MIA3: variants seen among roughly 807,000 people sequenced by gnomAD.
MIA3 encodes MIA SH3 domain ER export factor 3, also known as transport and Golgi organization protein 1 homolog.
A neutral mutation model predicts 192.4 loss-of-function variants in MIA3; 90 were observed. The observed-to-expected ratio is 0.47, with a 90% CI of 0.39 to 0.56. The LOEUF (loss-of-function observed/expected upper bound fraction) is 0.56. MIA3 is among the 20% of genes least tolerant of loss of function. The pLI is 0.00. For synonymous variants in MIA3, 740 were observed against 792.8 expected (o/e 0.93, Z 1.12); for missense variants, 2,123 against 2,269.4 (o/e 0.94, Z 1.31).
intron 1 of MIA3, among the ~76,000 whole-genome samples, chr1:222,619,437 T>TATGA: frequency 6.6e-6 from 1 of 152,358 alleles, no homozygotes; most frequent in East Asian, 1.9e-4. Flanking sequence ...AATTTCATAA[T>TATGA]ATGAACTGTT....
Position 222,650,636 on chromosome 1 carries a change from C to A in MIA3, c.3723C>A (p.Ile1241=). Residue 1241 remains isoleucine, a splice_region_variant and synonymous_variant, in exon 10 of 28, where the codon ATC becomes ATA. Transcript: ENST00000344922. ...VQKLSNYEQK[I]KESKKHVQET... ...TCTGAATGCTTTATTTTATATAGAT[C>A]AAGGAATCAAAGAAACATGTTCAGG... The A allele has an allele frequency of 1.3e-6, 2 of 1,569,742 alleles. No individual in the cohort carries two copies. Among genetic ancestry groups the A allele is most frequent in the South Asian group, 1.1e-5 (1 of 87,078 alleles).
chr1:222,658,112 T>C (rs1228693020), intron 18 of MIA3, among the ~76,000 whole-genome samples: 1 of 152,218 alleles, frequency 6.6e-6, no homozygotes, highest in African/African-American at 2.4e-5. Flanking sequence ...CAGGACAGTT[T>C]GGATTCTTTT....
At chr1:222,662,169 GTGGGGAGAGGA>G in intron 25 of MIA3, 45 bp downstream of exon 25, 1 of 1,603,700 alleles carries the variant, frequency 6.2e-7, no homozygotes, top group Non-Finnish European at 8.5e-7. Flanking sequence ...CATGCAGGAA[GTGGGGAGAGGA>G]TTTTTTTTTT....
intron 7 of MIA3, among the ~76,000 whole-genome samples, chr1:222,646,338 C>G (rs1663141676): frequency 2.0e-5 from 3 of 151,048 alleles, no homozygotes; most frequent in Non-Finnish European, 4.4e-5. Flanking sequence ...TCGCTTGAAC[C>G]TGGGAGGCGG....
rs746906486 is a variant in MIA3 at position 222,627,832 on chromosome 1, T to A, written c.612T>A (p.Phe204Leu). The change falls in exon 4 of 28, where the codon TTT becomes TTA. Residue 204 changes from phenylalanine to leucine, a missense_variant. Physicochemically the swap from Phe to Leu is conservative, Grantham distance 22 (BLOSUM62 0). Around this residue, in one of 3 missense-constraint regions of MIA3, gnomAD observed 1,357 missense variants for 1,396.1 expected, o/e 0.97. Transcript: ENST00000344922. ...ACACTGAGGATCTTCAGGAACAGTT[T>A]ACAACTCAGAAGCACCACTCCCATG... ...SENTEDLQEQ[F>L]TTQKHHSHAN... The A allele has an allele frequency of 3.1e-6, 5 of 1,614,054 alleles. No individual in the cohort carries two copies. Among genetic ancestry groups the A allele is most frequent in the Non-Finnish European group, 4.2e-6 (5 of 1,180,022 alleles).
chr1:222,650,920 T>G lies in MIA3; in HGVS notation c.3909+17T>G. On this transcript the variant is annotated intron_variant, in intron 11 of 27. Transcript: ENST00000344922. ...CAGGACTTGGTAAGAGTTTTGCTGC[T>G]AAGTATTACTAATAATTTGGGTTTT... 7.0e-7 allele frequency: 1 copy of G among 1,426,072 alleles called. No homozygotes were observed. Among genetic ancestry groups the G allele is most frequent in the Non-Finnish European group, 9.7e-7 (1 of 1,028,436 alleles). 88.3% of individuals were successfully genotyped at this position (1,426,072 alleles called of 1,614,324 possible).
intron 6 of MIA3, among the ~76,000 whole-genome samples, chr1:222,633,789 G>A (rs76147757): frequency 0.16 from 24,487 of 151,992 alleles, 3,559 homozygotes; most frequent in African/African-American, 0.39. Flanking sequence ...GAGAAATGGA[G>A]GCATGAAGAA....
chr1:222,628,755 AG>A lies in MIA3; in HGVS notation c.1538del (p.Gly513ValfsTer5). The A allele has an allele frequency of 6.2e-7, 1 of 1,614,166 alleles. No homozygotes were observed. Among genetic ancestry groups the A allele is most frequent in the East Asian group, 2.2e-5 (1 of 44,886 alleles). ...NNLNSMPAAE[K>X]GKDTLKSAYD... ...CTCAACTCTATGCCAGCTGCTGAAA[AG>A]GGTAAAGACACATTAAAATCAGCTT... is the stretch of plus-strand genomic sequence containing the variant. On this transcript the variant is annotated frameshift_variant, in exon 4 of 28. Transcript: ENST00000344922. LOFTEE classifies it high-confidence loss of function.
rs192427258 is a variant in MIA3, at chr1:222,619,156, G to A, written c.133+913G>A. Reference sequence around the variant, plus strand: ...GGCTCAGATGAAGAAGGTTATTACAGGAATGACAGTAAATACTCCAAGGGT... The same window carrying A: ...GGCTCAGATGAAGAAGGTTATTACAAGAATGACAGTAAATACTCCAAGGGT... On this transcript the variant is annotated intron_variant, in intron 1 of 27. Transcript: ENST00000344922. Among the ~76,000 whole-genome samples, 6 of 152,304 alleles carry A rather than the reference G, an allele frequency of 3.9e-5. No homozygotes were observed. The East Asian group carries it at 1.2e-3, about 29-fold the overall frequency.
chr1:222,645,546 A>G lies in MIA3; in HGVS notation c.3478-8A>G. On this transcript the variant is annotated splice_polypyrimidine_tract_variant and splice_region_variant and intron_variant, in intron 6 of 27. Transcript: ENST00000344922. ...CTCATTATTTCTAACATTATTTCTA[A>G]CATTCAGCTAGTTGCTACATTGCCT... is the stretch of plus-strand genomic sequence containing the variant. 6.3e-7 allele frequency: 1 copy of G among 1,596,064 alleles called. No homozygotes were observed. Among genetic ancestry groups the G allele is most frequent in the Non-Finnish European group, 8.5e-7 (1 of 1,170,226 alleles).
intron 18 of MIA3, among the ~76,000 whole-genome samples, chr1:222,656,961 A>G (rs1403847391): frequency 1.3e-5 from 2 of 152,154 alleles, no homozygotes; most frequent in African/African-American, 4.8e-5. Context: ...ATTGCTTTAA[A>G]ATCTATGTGG....
At position 222,628,079 on chromosome 1, in the gene MIA3, G is replaced by A. The variant is rs1662201744; in HGVS notation, c.859G>A (p.Val287Ile). 1 of 1,614,100 alleles carries A rather than the reference G, an allele frequency of 6.2e-7. No homozygotes were observed. Among genetic ancestry groups the A allele is most frequent in the Non-Finnish European group, 8.5e-7 (1 of 1,180,024 alleles). The change falls in exon 4 of 28, where the codon GTA becomes ATA. Residue 287 changes from valine to isoleucine, a missense_variant. Around this residue, in one of 3 missense-constraint regions of MIA3, gnomAD observed 1,357 missense variants for 1,396.1 expected, o/e 0.97. Coordinates refer to ENST00000344922, the MANE Select transcript of MIA3 (RefSeq NM_198551.4). ...TKFGSTADAL[V>I]SDDETTRLVT... ...ATTTGGCTCAACAGCTGATGCACTTGTATCTGATGATGAGACAACCAGACT... is the reference window on the plus strand; with the variant it reads ...ATTTGGCTCAACAGCTGATGCACTTATATCTGATGATGAGACAACCAGACT...
rs1269633661 is a variant in MIA3, at chr1:222,630,057, A to T, written c.2837A>T (p.His946Leu). The change falls in exon 4 of 28, where the codon CAT becomes CTT. Residue 946 changes from histidine (H) to leucine (L), a missense_variant. His to Leu is a moderately conservative substitution (Grantham distance 99, BLOSUM62 -3). Coordinates refer to ENST00000344922, the MANE Select transcript of MIA3 (RefSeq NM_198551.4). ...LQRFQKYFNV[H>L]ELEALLQEMS... ...CGGTTCCAGAAGTACTTTAATGTCC[A>T]TGAGCTGGAAGCCTTGCTACAAGAA... 6.2e-7 allele frequency: 1 copy of T among 1,614,110 alleles called. No individual in the cohort carries two copies. The highest frequency in any genetic ancestry group is 1.3e-5 in the African/African-American group (1 of 74,930).
In MIA3 at chr1:222,624,775, G is replaced by T. The variant is rs763708048; in HGVS notation, c.275G>T (p.Arg92Leu). ...GCCCATTCTTTTGTGTAGGTTGGAC[G>T]CACTTTTGGATATTTTCCAAAAGAT... ...WPEVWAGSVGRTFGYFPKDLI... is the reference protein window; with the variant it reads ...WPEVWAGSVGLTFGYFPKDLI... Residue 92 changes from arginine to leucine, a missense_variant, in exon 3 of 28, where the codon CGC (arginine) becomes CTC (leucine). Transcript: ENST00000344922. The T allele has an allele frequency of 1.3e-6, 2 of 1,546,962 alleles. No individual in the cohort carries two copies. The highest frequency in any genetic ancestry group is 1.8e-6 in the Non-Finnish European group (2 of 1,121,004).
rs906204192 is a variant in MIA3, at chr1:222,653,067, A to G, written c.4146A>G (p.Lys1382=). 6.2e-7 allele frequency: 1 copy of G among 1,613,088 alleles called. No homozygotes were observed. Among genetic ancestry groups the G allele is most frequent in the African/African-American group, 1.3e-5 (1 of 74,940 alleles). Residue 1382 remains lysine, a synonymous_variant, in exon 14 of 28, where the codon AAA becomes AAG. Coordinates refer to ENST00000344922, the MANE Select transcript of MIA3 (RefSeq NM_198551.4). ...KLHAELSEQI[K]SFEKSQKDLE... ...ATGCTGAGCTCAGTGAGCAAATCAA[A>G]TCATTTGAGAAGTCTCAGAAAGATT...
chr1:222,629,315 G>C lies in MIA3; in HGVS notation c.2095G>C (p.Gly699Arg). 3 of 1,614,170 alleles carry C rather than the reference G, an allele frequency of 1.9e-6. No homozygotes were observed. The highest frequency in any genetic ancestry group is 2.5e-6 in the Non-Finnish European group (3 of 1,180,038). Reference sequence around the variant, plus strand: ...GTTTTTTCATCACAAGGCAATGCAGGGCACAGAGGTAGGACAGACAGACCA... The same window carrying C: ...GTTTTTTCATCACAAGGCAATGCAGCGCACAGAGGTAGGACAGACAGACCA... Reference protein sequence around the residue: ...EEFFHHKAMQGTEVGQTDQTD... With the variant: ...EEFFHHKAMQRTEVGQTDQTD... The change falls in exon 4 of 28, where the codon GGC (glycine) becomes CGC (arginine). Residue 699 changes from glycine to arginine, a missense_variant. By Grantham distance (125) the Gly-to-Arg change is moderately radical. Coordinates refer to ENST00000344922, the MANE Select transcript of MIA3 (RefSeq NM_198551.4).
Position 222,663,992 on chromosome 1 carries a change from C to T in MIA3, c.5263-6C>T. On this transcript the variant is annotated splice_polypyrimidine_tract_variant and splice_region_variant and intron_variant, in intron 26 of 27. Coordinates refer to ENST00000344922, the MANE Select transcript of MIA3 (RefSeq NM_198551.4). The stretch of plus-strand genomic sequence containing the variant: ...TTTCAAAACTTCAATTGTTTCTACT[C>T]TGCAGGTTAATATGGCTCCAAAAGG... 1 of 1,609,472 alleles carries T rather than the reference C, an allele frequency of 6.2e-7. No homozygotes were observed. Among genetic ancestry groups the T allele is most frequent in the African/African-American group, 1.3e-5 (1 of 74,766 alleles).
At chr1:222,637,687 T>A (rs1429682770) in intron 6 of MIA3, among the ~76,000 whole-genome samples, 1 of 145,616 alleles carries the variant, frequency 6.9e-6, no homozygotes, top group Non-Finnish European at 1.5e-5. Context: ...AAGAATAATT[T>A]TTTTTTTTTT....
Position 222,666,453 on chromosome 1 carries a change from A to C in MIA3, c.*834A>C, listed in dbSNP as rs998284016. On this transcript the variant is annotated 3_prime_UTR_variant, in exon 28 of 28. Transcript: ENST00000344922. ...CCATTGTTTTTACCATTCCTGTAGA[A>C]AAAGGGTGCACAACAGAAAAATGAA... The C allele has an allele frequency of 2.0e-5, 3 of 152,132 alleles. No individual in the cohort carries two copies. Among genetic ancestry groups the C allele is most frequent in the Non-Finnish European group, 4.4e-5 (3 of 68,026 alleles). 9.4% of individuals were successfully genotyped at this position (152,132 alleles called of 1,614,324 possible). A position where few individuals can be genotyped will look rare whatever the true frequency, so the allele number is the denominator to read the frequency against.
Sources: allele counts gnomAD v4.1 joint callset (sites outside exome capture counted in the v4.1 genomes callset), GRCh38; gene constraint gnomAD v4.1.1; regional missense constraint gnomAD v4.1.1; transcripts MANE v1.5; gene names NCBI Gene and HGNC (gene_info 2026-07-23, HGNC 2026-07-21).